The following FBP1 variants were observed in gnomAD, a reference collection of about 807,000 sequenced individuals.
FBP1 encodes fructose-1,6-bisphosphatase 1.
Under a neutral mutation model 29.9 loss-of-function variants are expected in FBP1, and 22 were observed. The ratio of observed to expected loss-of-function variants is 0.74; its 90% confidence interval spans 0.53 to 1.05. The LOEUF is 1.05. Among genes scored for constraint, FBP1 ranks in the 50% least tolerant of loss-of-function variants. The pLI is 0.00. For missense variants in FBP1, 345 were observed against 448.2 expected (o/e 0.77, Z 2.08); for synonymous variants, 175 against 178.6 (o/e 0.98, Z 0.16).
intron 1 of FBP1, among the ~76,000 whole-genome samples, chr9:94,624,303 A>C (rs1241710543): frequency 1.4e-5 from 2 of 143,108 alleles, no homozygotes; most frequent in Admixed American, 1.5e-4. Context: ...GCGTCACTGC[A>C]CTCCAGCCTG....
chr9:94,607,337 T>G (rs1214157691), intron 4 of FBP1, among the ~76,000 whole-genome samples: 1 of 151,722 alleles, frequency 6.6e-6, no homozygotes, highest in African/African-American at 2.4e-5. Context: ...GAAAAAAGGG[T>G]TGGTTCAGGC....
upstream of FBP1, among the ~76,000 whole-genome samples, chr9:94,639,692 GCCCTGCCGCC>G (rs1828257209): frequency 8.5e-6 from 1 of 117,628 alleles, no homozygotes. Flanking sequence ...GCCCCCACGC[GCCCTGCCGCC>G]CCCTAGTCTT....
At position 94,630,850 on chromosome 9, in the gene FBP1, T is replaced by C. The variant is rs1828094898; in HGVS notation, c.170+8291A>G. 3.3e-5 allele frequency among the ~76,000 whole-genome samples: 5 copies of C among 152,152 alleles called. No individual in the cohort carries two copies. In the South Asian group the frequency reaches 1.0e-3, roughly 32 times the overall value. On this transcript the variant is annotated intron_variant, in intron 1 of 6. Transcript: ENST00000375326. ...TTTCTGGCCATGTTTGTGGGGATCA[T>C]GGATAATGCGCGCGGTGCACCTGGT...
intron 1 of FBP1, 108 bp downstream of exon 1, chr9:94,639,031 GAC>G: frequency 9.1e-7 from 1 of 1,099,632 alleles, no homozygotes; most frequent in Non-Finnish European, 1.3e-6. Flanking sequence ...ACATCAGACG[GAC>G]AGACAGAGGC....
intron 1 of FBP1, among the ~76,000 whole-genome samples, chr9:94,630,723 G>A (rs1205880427): frequency 2.0e-5 from 3 of 152,200 alleles, no homozygotes; most frequent in Admixed American, 1.3e-4. Context: ...ACAACCATGC[G>A]GAGAAGCAAG....
chr9:94,616,171 GAGTTCAGCTGA>G (rs1435394288), intron 3 of FBP1, among the ~76,000 whole-genome samples: 1 of 152,186 alleles, frequency 6.6e-6, no homozygotes, highest in Non-Finnish European at 1.5e-5. Context: ...TCCTAGAACA[GAGTTCAGCTGA>G]ACCAACCTCT....
At chr9:94,626,556 C>T (rs7025121) in intron 1 of FBP1, among the ~76,000 whole-genome samples, 55,133 of 151,872 alleles carry the variant, frequency 0.36, 10,180 homozygotes, top group Admixed American at 0.43. Context: ...AAGCCTCCCC[C>T]GTCACACCTC....
intron 1 of FBP1, among the ~76,000 whole-genome samples, chr9:94,621,213 CAAAAAAAAAAAA>C (rs57221045): frequency 1.1e-4 from 5 of 43,986 alleles, no homozygotes; most frequent in Admixed American, 1.1e-3. Flanking sequence ...GACTCCGTCT[CAAAAAAAAAAAA>C]AAAAAAAAAA....
Position 94,603,453 on chromosome 9 carries a change from C to T in FBP1, c.945G>A (p.Ala315=), listed in dbSNP as rs774198446. Residue 315 remains alanine (A), a synonymous_variant, in exon 7 of 7, where the codon GCG becomes GCA. Coordinates refer to ENST00000375326, the MANE Select transcript of FBP1 (RefSeq NM_000507.4). Reference sequence around the variant, plus strand: ...CGTCGGGGGATCCCAAGATCACCGGCGCCCTCTGGTGAATGTCTGTGGGAA... The same window carrying T: ...CGTCGGGGGATCCCAAGATCACCGGTGCCCTCTGGTGAATGTCTGTGGGAA... ...DVIPTDIHQR[A]PVILGSPDDV... 4 of 1,614,060 alleles carry T rather than the reference C, an allele frequency of 2.5e-6. No homozygotes were observed. The highest frequency in any genetic ancestry group is 2.2e-5 in the South Asian group (2 of 91,068).
At chr9:94,612,596 C>T (rs987846135) in intron 3 of FBP1, among the ~76,000 whole-genome samples, 14 of 123,652 alleles carry the variant, frequency 1.1e-4, no homozygotes, top group Middle Eastern at 6.8e-3. Context: ...CTTGCTCTAT[C>T]GCCAGGCTGG....
rs1245293517 is a variant in FBP1 at position 94,639,326 on chromosome 9, A to C, written c.-16T>G. ...GGTCAGCCATGCTTGAACCGGGTAG[A>C]GCGCGGGGCTGCAGGTGCAAGCGGC... is the stretch of plus-strand genomic sequence containing the variant. On this transcript the variant is annotated 5_prime_UTR_variant, in exon 1 of 7. Coordinates refer to ENST00000375326, the MANE Select transcript of FBP1 (RefSeq NM_000507.4). The C allele has an allele frequency of 6.2e-7, 1 of 1,602,512 alleles. No individual in the cohort carries two copies. Among genetic ancestry groups the C allele is most frequent in the Non-Finnish European group, 8.5e-7 (1 of 1,174,828 alleles).
intron 1 of FBP1, among the ~76,000 whole-genome samples, chr9:94,631,756 T>C (rs1563988556): frequency 6.6e-6 from 1 of 152,216 alleles, no homozygotes; most frequent in Non-Finnish European, 1.5e-5. Context: ...AGGGAGATTA[T>C]TACTTAATCC....
At chr9:94,606,785 C>A in intron 5 of FBP1, 30 bp downstream of exon 5, 1 of 1,607,780 alleles carries the variant, frequency 6.2e-7, no homozygotes, top group Non-Finnish European at 8.5e-7. Flanking sequence ...TGCCCAGAAC[C>A]TGCACCACCC....
intron 3 of FBP1, among the ~76,000 whole-genome samples, chr9:94,615,171 G>A (rs762413565): frequency 6.6e-6 from 1 of 152,212 alleles, no homozygotes; most frequent in Non-Finnish European, 1.5e-5. Flanking sequence ...GCCTCCCAAA[G>A]TGCTGGGATT....
intron 3 of FBP1, among the ~76,000 whole-genome samples, chr9:94,614,496 C>T (rs146014362): frequency 0.033 from 4,965 of 151,204 alleles, 256 homozygotes; most frequent in African/African-American, 0.11. Context: ...GCTGAGATGG[C>T]GCCACTGCAC....
intron 3 of FBP1, among the ~76,000 whole-genome samples, chr9:94,610,836 C>T (rs2131477718): frequency 6.6e-6 from 1 of 151,970 alleles, no homozygotes; most frequent in Admixed American, 6.6e-5. Context: ...AGCTCCTAAC[C>T]ACTGATTTCT....
intron 3 of FBP1, among the ~76,000 whole-genome samples, chr9:94,611,843 C>T (rs984780384): frequency 5.3e-5 from 8 of 152,190 alleles, no homozygotes; most frequent in African/African-American, 1.4e-4. Context: ...CTGCATTGCA[C>T]TATGCAATGT....
chr9:94,631,348 T>C (rs1828102161), intron 1 of FBP1, among the ~76,000 whole-genome samples: 2 of 152,248 alleles, frequency 1.3e-5, no homozygotes. Context: ...TTAATTCATA[T>C]GATGGAGAAC....
chr9:94,618,591 G>T (rs979648828), intron 2 of FBP1, among the ~76,000 whole-genome samples: 2 of 152,016 alleles, frequency 1.3e-5, no homozygotes, highest in African/African-American at 4.8e-5. Flanking sequence ...GCTGCAGTGA[G>T]CCATGACTGT....
Sources: allele counts gnomAD v4.1 joint callset (sites outside exome capture counted in the v4.1 genomes callset), GRCh38; gene constraint gnomAD v4.1.1; transcripts MANE v1.5; gene names NCBI Gene and HGNC (gene_info 2026-07-23, HGNC 2026-07-21).